The following LRMDA variants were observed in gnomAD, a reference collection of about 807,000 sequenced individuals.
LRMDA encodes leucine rich melanocyte differentiation associated.
In LRMDA, 18 loss-of-function variants were observed where a neutral mutation model predicts 29.8. That is an observed-to-expected ratio of 0.60 (90% CI 0.42 to 0.90). LRMDA has a LOEUF of 0.90. LRMDA is among the 40% of genes least tolerant of loss of function. The pLI is 0.00. For missense variants in LRMDA, 273 were observed against 273.9 expected, an observed-to-expected ratio of 1.00 and a Z score of 0.02; for synonymous variants, 125 against 109.4, an observed-to-expected ratio of 1.14 and a Z score of -0.89.
At chr10:75,562,439 T>C (rs1435297990) in intron 2 of LRMDA, among the ~76,000 whole-genome samples, 1 of 152,250 alleles carries the variant, frequency 6.6e-6, no homozygotes, top group African/African-American at 2.4e-5. Flanking sequence ...GCACGTGAGA[T>C]GGGTTTCCTG....
At chr10:76,188,295 C>T (rs1293909133) in intron 5 of LRMDA, among the ~76,000 whole-genome samples, 2 of 152,218 alleles carry the variant, frequency 1.3e-5, no homozygotes, top group South Asian at 2.1e-4. Context: ...AATTTATTCA[C>T]TGTGCGTTTT....
In LRMDA at chr10:76,463,185, G is replaced by A. The variant is rs148846884; in HGVS notation, c.602-94024G>A. Reference sequence around the variant, plus strand: ...GTATCCAAGGCAGTCCCGTGGAAGAGCTCTAGAGCTGCAGGAGCCAGAAAA... The same window carrying A: ...GTATCCAAGGCAGTCCCGTGGAAGAACTCTAGAGCTGCAGGAGCCAGAAAA... On this transcript the variant is annotated intron_variant, in intron 6 of 6. Coordinates refer to ENST00000611255, the MANE Select transcript of LRMDA (RefSeq NM_001305581.2). Among the ~76,000 whole-genome samples the A allele has an allele frequency of 4.9e-4, 75 of 152,264 alleles. 1 individual carries two copies. Among genetic ancestry groups the A allele is most frequent in the South Asian group, 2.3e-3 (11 of 4,822 alleles).
At chr10:76,036,272 C>A in intron 3 of LRMDA, 138 bp downstream of exon 3, 1 of 878,694 alleles carries the variant, frequency 1.1e-6, no homozygotes, top group Non-Finnish European at 1.7e-6. Context: ...AAATACAGTT[C>A]GTGGGCAGAC....
At chr10:75,685,637 T>C (rs1842072408) in intron 2 of LRMDA, among the ~76,000 whole-genome samples, 1 of 152,200 alleles carries the variant, frequency 6.6e-6, no homozygotes, top group Non-Finnish European at 1.5e-5. Context: ...TTTGAGGGGA[T>C]TGAAGTCCAG....
At chr10:75,913,514 G>A (rs1845877800) in intron 2 of LRMDA, among the ~76,000 whole-genome samples, 1 of 152,106 alleles carries the variant, frequency 6.6e-6, no homozygotes, top group African/African-American at 2.4e-5. Context: ...TAAACGAAAT[G>A]AAAACATTTT....
chr10:75,854,927 A>G (rs543638772), intron 2 of LRMDA, among the ~76,000 whole-genome samples: 6 of 152,298 alleles, frequency 3.9e-5, no homozygotes, highest in South Asian at 2.1e-4. Context: ...ATAGTATTCC[A>G]TGGAGTATAT....
intron 2 of LRMDA, among the ~76,000 whole-genome samples, chr10:75,792,499 A>G (rs1056805701): frequency 6.6e-6 from 1 of 152,098 alleles, no homozygotes; most frequent in African/African-American, 2.4e-5. Context: ...TGCTGACCTC[A>G]TGATCCACCC....
intron 2 of LRMDA, among the ~76,000 whole-genome samples, chr10:75,466,312 G>C (rs1327018677): frequency 2.6e-5 from 4 of 152,096 alleles, no homozygotes; most frequent in Non-Finnish European, 5.9e-5. Flanking sequence ...TTAATTTTGG[G>C]GGAGATTTTT....
chr10:75,671,446 CT>C (rs1841890266), intron 2 of LRMDA, among the ~76,000 whole-genome samples: 2 of 152,130 alleles, frequency 1.3e-5, no homozygotes, highest in South Asian at 4.2e-4. Context: ...AGAAACACAC[CT>C]ATGCAGCCAT....
At chr10:75,829,176 G>A (rs1844296161) in intron 2 of LRMDA, among the ~76,000 whole-genome samples, 1 of 152,136 alleles carries the variant, frequency 6.6e-6, no homozygotes, top group African/African-American at 2.4e-5. Flanking sequence ...ATGAGATGAT[G>A]TTCCAGAAGA....
chr10:76,334,493 G>A (rs1840942963), intron 6 of LRMDA, among the ~76,000 whole-genome samples: 1 of 152,196 alleles, frequency 6.6e-6, no homozygotes, highest in Admixed American at 6.5e-5. Context: ...TGATGACGTT[G>A]TTGGCTGCAA....
At chr10:75,895,275 A>G (rs759735586) in intron 2 of LRMDA, among the ~76,000 whole-genome samples, 3 of 151,506 alleles carry the variant, frequency 2.0e-5, no homozygotes, top group Non-Finnish European at 4.4e-5. Context: ...AGTGGAGGGT[A>G]CCTAGAAACA....
At chr10:75,762,181 A>G (rs1843105969) in intron 2 of LRMDA, among the ~76,000 whole-genome samples, 1 of 152,188 alleles carries the variant, frequency 6.6e-6, no homozygotes, top group African/African-American at 2.4e-5. Context: ...AGGGCACAGT[A>G]ACAAGCGGAT....
At chr10:76,254,295 T>TATACTATACTATACC (rs1554859347) in intron 5 of LRMDA, among the ~76,000 whole-genome samples, 7 of 8,686 alleles carry the variant, frequency 8.1e-4, no homozygotes, top group Admixed American at 1.8e-3. Flanking sequence ...TATACTATAC[T>TATACTATACTATACC]ATACTATACC....
intron 2 of LRMDA, among the ~76,000 whole-genome samples, chr10:75,610,211 C>T (rs1417871871): frequency 6.6e-6 from 1 of 152,116 alleles, no homozygotes; most frequent in Non-Finnish European, 1.5e-5. Context: ...CAACTGTCAC[C>T]ACTATTTAGT....
intron 2 of LRMDA, among the ~76,000 whole-genome samples, chr10:75,566,840 A>G (rs1015680072): frequency 6.6e-6 from 1 of 152,096 alleles, no homozygotes; most frequent in Non-Finnish European, 1.5e-5. Context: ...AACCTCAGAA[A>G]TACTCCATCC....
chr10:76,101,072 T>C (rs1849387452), intron 5 of LRMDA, among the ~76,000 whole-genome samples: 1 of 152,234 alleles, frequency 6.6e-6, no homozygotes, highest in Non-Finnish European at 1.5e-5. Context: ...GTAATAATTT[T>C]ACAAATTATC....
chr10:75,542,545 A>G (rs541753045), intron 2 of LRMDA, among the ~76,000 whole-genome samples: 205 of 152,266 alleles, frequency 1.3e-3, no homozygotes, highest in Non-Finnish European at 2.1e-3. Context: ...GGGACCCAAT[A>G]AAAAAACAAA....
At chr10:75,734,595 A>G (rs61860539) in intron 2 of LRMDA, among the ~76,000 whole-genome samples, 6 of 152,228 alleles carry the variant, frequency 3.9e-5, no homozygotes, top group African/African-American at 9.6e-5. Context: ...CCATGGATTC[A>G]TGCATGTGTT....
Sources: allele counts gnomAD v4.1 joint callset (sites outside exome capture counted in the v4.1 genomes callset), GRCh38; gene constraint gnomAD v4.1.1; transcripts MANE v1.5; gene names NCBI Gene and HGNC (gene_info 2026-07-23, HGNC 2026-07-21).